SDK1: variants seen among roughly 807,000 people sequenced by gnomAD.
The protein encoded by SDK1 is sidekick cell adhesion molecule 1.
In SDK1, 157 loss-of-function variants were observed where a neutral mutation model predicts 245.5. That is an observed-to-expected ratio of 0.64 (90% CI 0.56 to 0.73). The LOEUF (loss-of-function observed/expected upper bound fraction) is 0.73, where lower values mean the gene tolerates loss of function less well. Among genes scored for constraint, SDK1 ranks in the 30% least tolerant of loss-of-function variants. SDK1 has a pLI of 0.00. For missense variants in SDK1, 3,583 were observed against 3,002.3 expected (o/e 1.19, Z -4.52); for synonymous variants, 1,647 against 1,278.5 (o/e 1.29, Z -6.15).
chr7:3,794,621 T>G (rs1240498579), intron 4 of SDK1, among the ~76,000 whole-genome samples: 1 of 152,164 alleles, frequency 6.6e-6, no homozygotes, highest in Admixed American at 6.5e-5. Flanking sequence ...CCTTGCCATG[T>G]CAGGCCCTCT....
intron 1 of SDK1, among the ~76,000 whole-genome samples, chr7:3,478,305 T>TTTATAAA (rs1781407381): frequency 6.6e-6 from 1 of 152,076 alleles, no homozygotes; most frequent in South Asian, 2.1e-4. Flanking sequence ...GATGAGAGTG[T>TTTATAAA]TGACTTATTT....
chr7:3,860,223 A>G (rs574127166), intron 5 of SDK1, among the ~76,000 whole-genome samples: 11 of 152,328 alleles, frequency 7.2e-5, no homozygotes, highest in East Asian at 1.9e-4. Context: ...TAAAACCTCT[A>G]TGTAACAAAG....
chr7:3,363,046 GATATTGACTTTAGTACAGTCAAGA>G (rs1780995081), intron 1 of SDK1, among the ~76,000 whole-genome samples: 3 of 152,028 alleles, frequency 2.0e-5, no homozygotes, highest in African/African-American at 7.2e-5. Flanking sequence ...CCACATCTAG[GATATTGACTTTAGTACAGTCAAGA>G]AACAGAACGT....
rs540437158 is a variant in SDK1, at chr7:4,266,421, C to G, written c.*1037C>G. On this transcript the variant is annotated 3_prime_UTR_variant, in exon 45 of 45. Coordinates refer to ENST00000404826, the MANE Select transcript of SDK1 (RefSeq NM_152744.4). Reference sequence around the variant, plus strand: ...GCTCTGAGAACACACGCTCCCGACTCGCCTCGTGCACACCAGGCCGTCCCC... The same window carrying G: ...GCTCTGAGAACACACGCTCCCGACTGGCCTCGTGCACACCAGGCCGTCCCC... 1 of 985,228 alleles carries G rather than the reference C, an allele frequency of 1.0e-6. No homozygotes were observed. The highest frequency in any genetic ancestry group is 1.2e-6 in the Non-Finnish European group (1 of 829,930). 61.0% of individuals were successfully genotyped at this position (985,228 alleles called of 1,614,324 possible).
chr7:3,454,523 G>C (rs1207324680), intron 1 of SDK1, among the ~76,000 whole-genome samples: 2 of 151,852 alleles, frequency 1.3e-5, no homozygotes, highest in Non-Finnish European at 2.9e-5. Flanking sequence ...AGTCCCTTGG[G>C]TTGTCCTTTC....
Position 4,265,645 on chromosome 7 carries a change from A to C in SDK1, c.*261A>C. On this transcript the variant is annotated 3_prime_UTR_variant, in exon 45 of 45. Transcript: ENST00000404826. ...AGAGAAGGTGTATTTCACTGGTGCA[A>C]TGGCTTGGCACCTCCGGGGCCTGGG... 7.9e-7 allele frequency: 1 copy of C among 1,266,182 alleles called. No homozygotes were observed. 78.4% of individuals were successfully genotyped at this position (1,266,182 alleles called of 1,614,324 possible).
intron 2 of SDK1, among the ~76,000 whole-genome samples, chr7:3,625,316 C>A (rs866131024): frequency 6.6e-6 from 1 of 152,102 alleles, no homozygotes; most frequent in African/African-American, 2.4e-5. Flanking sequence ...ATAAAAGATA[C>A]AAAATTTTTA....
intron 25 of SDK1, among the ~76,000 whole-genome samples, chr7:4,125,122 GGATGGATGGAAA>G (rs1784301447): frequency 1.3e-5 from 2 of 149,406 alleles, no homozygotes; most frequent in Non-Finnish European, 3.0e-5. Flanking sequence ...ATGGGTGAAT[GGATGGATGGAAA>G]GATGGAATGA....
intron 1 of SDK1, among the ~76,000 whole-genome samples, chr7:3,579,666 T>C (rs2614969): frequency 0.49 from 74,887 of 152,024 alleles, 18,940 homozygotes; most frequent in South Asian, 0.68. Context: ...GTTGGAAGTC[T>C]TGGCCAGTCC....
rs766538884 is a variant in SDK1 at position 4,174,232 on chromosome 7, A to G, written c.4811A>G (p.Asp1604Gly). The change falls in exon 33 of 45, where the codon GAC becomes GGC. Residue 1604 changes from aspartate to glycine, a missense_variant. Coordinates refer to ENST00000404826, the MANE Select transcript of SDK1 (RefSeq NM_152744.4). ...SVLIQWQPPR[D>G]ESLNGLLQGY... ...GTGATGTCTTTGCAGCCTCCGAGGG[A>G]CGAAAGCCTGAATGGCCTTCTTCAG... The G allele has an allele frequency of 6.2e-7, 1 of 1,614,060 alleles. No homozygotes were observed. Among genetic ancestry groups the G allele is most frequent in the Admixed American group, 1.7e-5 (1 of 60,014 alleles).
chr7:3,450,417 A>G (rs1780475985), intron 1 of SDK1, among the ~76,000 whole-genome samples: 1 of 152,184 alleles, frequency 6.6e-6, no homozygotes. Flanking sequence ...AATCTGGGTG[A>G]GAAATGTTTG....
At chr7:3,681,473 T>C (rs2114984143) in intron 4 of SDK1, among the ~76,000 whole-genome samples, 1 of 152,346 alleles carries the variant, frequency 6.6e-6, no homozygotes, top group Middle Eastern at 3.4e-3. Context: ...TACCTCAGAA[T>C]GGAATTACTG....
chr7:3,678,964 G>T (rs561068288), intron 4 of SDK1, among the ~76,000 whole-genome samples: 1 of 152,174 alleles, frequency 6.6e-6, no homozygotes, highest in South Asian at 2.1e-4. Flanking sequence ...CAAAACATAC[G>T]AGAGATTTAA....
At chr7:3,641,804 G>A (rs886888695) in intron 3 of SDK1, among the ~76,000 whole-genome samples, 154 bp from the exon 4 acceptor site, 4 of 152,250 alleles carry the variant, frequency 2.6e-5, no homozygotes, top group Non-Finnish European at 4.4e-5. Flanking sequence ...GCAGATCCGC[G>A]TTGGTCAGCG....
intron 1 of SDK1, among the ~76,000 whole-genome samples, chr7:3,585,125 C>T (rs180689088): frequency 6.6e-4 from 100 of 152,280 alleles, no homozygotes; most frequent in Admixed American, 1.4e-3. Context: ...CGAAATAAAA[C>T]ATCAGCATGT....
intron 4 of SDK1, among the ~76,000 whole-genome samples, chr7:3,738,845 C>CTGTAGAACA (rs1779394196): frequency 6.6e-6 from 1 of 151,728 alleles, no homozygotes; most frequent in Non-Finnish European, 1.5e-5. Flanking sequence ...TGTGTAGAAA[C>CTGTAGAACA]ACAACTGTTG....
intron 5 of SDK1, among the ~76,000 whole-genome samples, chr7:3,930,810 A>G (rs1344223259): frequency 6.6e-6 from 1 of 152,120 alleles, no homozygotes; most frequent in African/African-American, 2.4e-5. Context: ...AGAAAAGAAA[A>G]GAAAAAAGAA....
intron 5 of SDK1, among the ~76,000 whole-genome samples, chr7:3,870,884 T>C (rs1458263866): frequency 6.6e-6 from 1 of 152,238 alleles, no homozygotes; most frequent in Non-Finnish European, 1.5e-5. Flanking sequence ...TAACAGTTTC[T>C]CATCCCTTCC....
intron 38 of SDK1, among the ~76,000 whole-genome samples, chr7:4,216,561 C>T (rs755855998): frequency 2.0e-5 from 3 of 152,218 alleles, no homozygotes; most frequent in East Asian, 1.9e-4. Context: ...GGAGTCTGTG[C>T]GTGTCCCAGG....
Sources: gnomAD v4.1 joint callset for allele counts (sites outside exome capture counted in the v4.1 genomes callset) on GRCh38, gnomAD v4.1.1 for gene constraint, MANE v1.5 for transcripts, NCBI Gene and HGNC (gene_info 2026-07-23, HGNC 2026-07-21) for gene names.